The following FMN1 variants were observed in gnomAD, a reference collection of about 807,000 sequenced individuals.
FMN1 encodes the protein formin 1.
A neutral mutation model predicts 132.4 loss-of-function variants in FMN1; 110 were observed. The observed-to-expected ratio is 0.83, with a 90% CI of 0.71 to 0.97. FMN1 has a LOEUF of 0.97. Among genes scored for constraint, FMN1 ranks in the 50% least tolerant of loss-of-function variants. The probability of loss-of-function intolerance (pLI) is 0.00; values close to 1 mark genes in which losing one functional copy is unlikely to be tolerated. For synonymous variants in FMN1, 722 were observed against 651.7 expected, an observed-to-expected ratio of 1.11 and a Z score of -1.64; for missense variants, 1,792 against 1,705.3, an observed-to-expected ratio of 1.05 and a Z score of -0.90.
chr15:33,067,544 G>A lies in FMN1; in HGVS notation c.2044-2470C>T, dbSNP rs112533728. ...AAGCAGCTCTTGAGCAAGGAGAGAT[G>A]TCCCTGCTTCTTTTCTCTGACTTCC... On this transcript the variant is annotated intron_variant, in intron 5 of 20. Coordinates refer to ENST00000616417, the MANE Select transcript of FMN1 (RefSeq NM_001277313.2). 1.1e-3 allele frequency: 1,706 copies of A among 1,613,926 alleles called. 9 individuals carry two copies. The African/African-American group carries it at 0.018, about 17-fold the overall frequency.
intron 17 of FMN1, among the ~76,000 whole-genome samples, chr15:32,852,592 C>G (rs989196286): frequency 1.3e-5 from 2 of 152,152 alleles, no homozygotes; most frequent in African/African-American, 4.8e-5. Context: ...GTTTCAAACT[C>G]CTGGCCTCAA....
chr15:32,981,233 T>C (rs1046183023), intron 7 of FMN1, among the ~76,000 whole-genome samples: 8 of 152,138 alleles, frequency 5.3e-5, no homozygotes, highest in African/African-American at 1.9e-4. Context: ...GGCTCACGCC[T>C]GTAATCCCAG....
chr15:32,995,472 T>TA (rs2033710097), intron 7 of FMN1, among the ~76,000 whole-genome samples: 1 of 152,180 alleles, frequency 6.6e-6, no homozygotes, highest in Non-Finnish European at 1.5e-5. Flanking sequence ...TTTTCCCAAA[T>TA]AAATAGTAAA....
chr15:32,847,703 AACTT>A lies in FMN1; in HGVS notation c.3928+9308_3928+9311del, dbSNP rs528355535. Among the ~76,000 whole-genome samples, 9 of 152,236 alleles carry A rather than the reference AACTT, an allele frequency of 5.9e-5. No homozygotes were observed. The East Asian group carries it at 1.5e-3, about 26-fold the overall frequency. ...CCCCGTCTCTACTAAAAATTACAAA[AACTT>A]AGCCAGGCGTAGTGGCGGGCACCTG... On this transcript the variant is annotated intron_variant, in intron 17 of 20. Transcript: ENST00000616417.
chr15:32,961,017 A>G (rs984446230), intron 9 of FMN1, among the ~76,000 whole-genome samples: 32 of 150,892 alleles, frequency 2.1e-4, no homozygotes, highest in Non-Finnish European at 4.0e-4. Context: ...AAAAAAAAAA[A>G]AAGGCAGGGT....
At chr15:33,141,478 T>C (rs1016422780) in intron 4 of FMN1, among the ~76,000 whole-genome samples, 1 of 152,026 alleles carries the variant, frequency 6.6e-6, no homozygotes, top group African/African-American at 2.4e-5. Context: ...CCCTGGAAAA[T>C]AGACCCTGAA....
Position 33,154,157 on chromosome 15 carries a change from A to C in FMN1, c.758T>G (p.Phe253Cys). Residue 253 changes from phenylalanine to cysteine, a missense_variant, in exon 4 of 21, where the codon TTT becomes TGT. Transcript: ENST00000616417. The part of the protein sequence containing the change: ...TPDTDLGFGS[F>C]ETAFKDTGLG... The stretch of plus-strand genomic sequence containing the variant: ...CCCAGTGTCCTTGAAAGCCGTCTCA[A>C]AGCTCCCAAAGCCAAGGTCTGTGTC... 2.0e-6 allele frequency: 3 copies of C among 1,536,396 alleles called. No individual in the cohort carries two copies. The highest frequency in any genetic ancestry group is 2.6e-6 in the Non-Finnish European group (3 of 1,146,980).
At chr15:33,183,092 G>A (rs1280815123) in intron 2 of FMN1, among the ~76,000 whole-genome samples, 1 of 152,144 alleles carries the variant, frequency 6.6e-6, no homozygotes, top group Non-Finnish European at 1.5e-5. Context: ...GTTATAATCA[G>A]CAGCTCACGT....
chr15:32,851,261 C>G (rs1263873140), intron 17 of FMN1, among the ~76,000 whole-genome samples: 1 of 152,134 alleles, frequency 6.6e-6, no homozygotes. Flanking sequence ...GGGATTAGAG[C>G]TAGTTTAGGT....
intron 4 of FMN1, among the ~76,000 whole-genome samples, chr15:33,101,548 G>A (rs2039295160): frequency 6.6e-6 from 1 of 152,094 alleles, no homozygotes; most frequent in South Asian, 2.1e-4. Context: ...GATAGGAGTT[G>A]GACAAGCTTG....
At chr15:32,803,960 A>C (rs933685541) in intron 18 of FMN1, among the ~76,000 whole-genome samples, 7 of 152,190 alleles carry the variant, frequency 4.6e-5, no homozygotes, top group African/African-American at 1.2e-4. Context: ...TAGTCTTAAC[A>C]CATGGGGCCG....
In FMN1 at chr15:32,771,240, G is replaced by T. The variant is rs865783208; in HGVS notation, c.*3070C>A. On this transcript the variant is annotated 3_prime_UTR_variant, in exon 21 of 21. Transcript: ENST00000616417. ...ACTACAGGCGCCCACCACCACGCCC[G>T]GCTAATTTTTTGTATTTTTAGTAGA... The T allele has an allele frequency of 5.9e-5, 9 of 151,642 alleles. 1 individual carries two copies. The Middle Eastern group carries it at 0.024, about 401-fold the overall frequency. The allele number at this position is 151,642 out of a possible 1,614,324, so 9.4% of individuals were successfully genotyped here.
At chr15:32,864,967 G>A (rs886172248) in intron 16 of FMN1, among the ~76,000 whole-genome samples, 2 of 152,078 alleles carry the variant, frequency 1.3e-5, no homozygotes, top group African/African-American at 2.4e-5. Flanking sequence ...ATAGAAGAAC[G>A]TTGAAAACAT....
intron 10 of FMN1, among the ~76,000 whole-genome samples, chr15:32,925,004 C>G (rs989036892): frequency 3.3e-5 from 5 of 152,178 alleles, no homozygotes; most frequent in Non-Finnish European, 7.3e-5. Context: ...TCATGCGAGA[C>G]ACAGATTTTG....
chr15:32,995,986 G>A (rs1022529674), intron 7 of FMN1, among the ~76,000 whole-genome samples: 7 of 152,090 alleles, frequency 4.6e-5, no homozygotes, highest in African/African-American at 1.4e-4. Flanking sequence ...CTTTTACCTC[G>A]GCACATAGCT....
Position 33,024,056 on chromosome 15 carries a change from T to TA in FMN1, c.2162-15982dup, listed in dbSNP as rs2035549197. On this transcript the variant is annotated intron_variant, in intron 6 of 20. Transcript: ENST00000616417. ...AGAATAAAGAAATCCTATAAATAAATAAAAAGGATAGCAACCATTAGAAAA... is the reference window on the plus strand; with the variant it reads ...AGAATAAAGAAATCCTATAAATAAATAAAAAAGGATAGCAACCATTAGAAAA... Among the ~76,000 whole-genome samples the TA allele has an allele frequency of 2.0e-5, 3 of 151,692 alleles. No homozygotes were observed. In the South Asian group the frequency reaches 6.2e-4, roughly 32 times the overall value.
intron 12 of FMN1, 126 bp downstream of exon 12, chr15:32,908,364 C>T: frequency 1.5e-6 from 1 of 649,492 alleles, no homozygotes; most frequent in South Asian, 1.8e-5. Context: ...CAACAGGTCA[C>T]AGGAATGACG....
At chr15:33,058,456 A>G (rs1033929535) in intron 6 of FMN1, among the ~76,000 whole-genome samples, 1 of 152,238 alleles carries the variant, frequency 6.6e-6, no homozygotes, top group Non-Finnish European at 1.5e-5. Flanking sequence ...ATTTACATGT[A>G]CACCATGCAT....
At chr15:32,803,443 G>C (rs139556377) in intron 18 of FMN1, among the ~76,000 whole-genome samples, 88 of 152,328 alleles carry the variant, frequency 5.8e-4, no homozygotes, top group African/African-American at 2.0e-3. Context: ...GTTCCACTGG[G>C]TGGAGTGAAT....
Sources: gnomAD v4.1 joint callset for allele counts (sites outside exome capture counted in the v4.1 genomes callset) on GRCh38, gnomAD v4.1.1 for gene constraint, MANE v1.5 for transcripts, NCBI Gene and HGNC (gene_info 2026-07-23, HGNC 2026-07-21) for gene names.